The following RMDN2 variants were observed in gnomAD, a reference collection of about 807,000 sequenced individuals.
RMDN2 encodes the protein regulator of microtubule dynamics 2.
In RMDN2, 61 loss-of-function variants were observed where a neutral mutation model predicts 52.8. The observed-to-expected ratio is 1.16, with a 90% CI of 0.94 to 1.43. The LOEUF (loss-of-function observed/expected upper bound fraction) is 1.43. RMDN2 is among the 40% of genes most tolerant of loss of function. RMDN2 has a pLI of 0.00. For synonymous variants in RMDN2, 180 were observed against 153.1 expected (o/e 1.18, Z -1.30); for missense variants, 592 against 475.3 (o/e 1.25, Z -2.28).
intron 1 of RMDN2, among the ~76,000 whole-genome samples, 198 bp downstream of exon 1, chr2:37,925,623 G>C (rs374716812): frequency 2.0e-5 from 3 of 152,304 alleles, no homozygotes; most frequent in East Asian, 1.9e-4. Context: ...GTGGCTTCCC[G>C]GGTTCATCCC....
chr2:38,023,943 C>A (rs1040206100), intron 10 of RMDN2, among the ~76,000 whole-genome samples: 1 of 152,196 alleles, frequency 6.6e-6, no homozygotes, highest in Non-Finnish European at 1.5e-5. Flanking sequence ...CTCCCTCTTG[C>A]ATCTCTCTCT....
intron 10 of RMDN2, chr2:38,066,776 T>C: frequency 1.8e-6 from 1 of 558,426 alleles, no homozygotes; most frequent in Non-Finnish European, 3.2e-6. Context: ...AAAGGAATAT[T>C]TTTCCCATGA....
chr2:38,000,778 C>T (rs1359598771), intron 8 of RMDN2, among the ~76,000 whole-genome samples: 2 of 152,158 alleles, frequency 1.3e-5, no homozygotes, highest in Non-Finnish European at 2.9e-5. Flanking sequence ...TGGTTTGATG[C>T]TATTTTGCAT....
chr2:37,929,774 A>T, intron 2 of RMDN2, 45 bp downstream of exon 2: 1 of 1,247,214 alleles, frequency 8.0e-7, no homozygotes, highest in Non-Finnish European at 1.1e-6. Context: ...GGTTATTATC[A>T]TTATTACTAT....
chr2:38,045,434 T>C (rs879859183), intron 10 of RMDN2, among the ~76,000 whole-genome samples: 2 of 152,234 alleles, frequency 1.3e-5, no homozygotes, highest in Non-Finnish European at 2.9e-5. Context: ...TCTATGCATA[T>C]GTTTTTAATC....
At chr2:37,925,734 C>G (rs1233309480) in intron 1 of RMDN2, among the ~76,000 whole-genome samples, 1 of 152,228 alleles carries the variant, frequency 6.6e-6, no homozygotes, top group Non-Finnish European at 1.5e-5. Flanking sequence ...AGTTTGCTGC[C>G]TCGGCCCGGC....
intron 7 of RMDN2, among the ~76,000 whole-genome samples, chr2:37,993,419 G>C (rs1675086763): frequency 6.6e-6 from 1 of 151,840 alleles, no homozygotes; most frequent in South Asian, 2.1e-4. Context: ...ATGCAGACTA[G>C]AGAACTCAAA....
chr2:38,015,791 A>G (rs887112419), intron 10 of RMDN2, among the ~76,000 whole-genome samples: 5 of 152,210 alleles, frequency 3.3e-5, no homozygotes, highest in Non-Finnish European at 7.3e-5. Context: ...CAACATGTCA[A>G]TACTGAGATT....
intron 10 of RMDN2, among the ~76,000 whole-genome samples, chr2:38,044,734 T>G (rs927098767): frequency 5.3e-5 from 8 of 152,130 alleles, no homozygotes; most frequent in African/African-American, 1.7e-4. Flanking sequence ...TTCTGGCACT[T>G]CCTTTTGATT....
At chr2:37,978,143 AC>A (rs1164189659) in intron 4 of RMDN2, among the ~76,000 whole-genome samples, 4 of 152,072 alleles carry the variant, frequency 2.6e-5, no homozygotes, top group Non-Finnish European at 5.9e-5. Context: ...ACACGGTGAA[AC>A]CCCGTCTCCA....
intron 6 of RMDN2, among the ~76,000 whole-genome samples, chr2:37,990,141 TGAAAA>T (rs1558518524): frequency 3.8e-5 from 5 of 133,242 alleles, no homozygotes; most frequent in African/African-American, 5.7e-5. Context: ...AGACTCCGTC[TGAAAA>T]AAAAAAAAAA....
chr2:38,005,646 G>A (rs1237286586), intron 10 of RMDN2, among the ~76,000 whole-genome samples: 3 of 152,214 alleles, frequency 2.0e-5, no homozygotes, highest in African/African-American at 7.2e-5. Context: ...CTCCCATTCT[G>A]TAGGTTGCCG....
intron 4 of RMDN2, 24 bp downstream of exon 4, chr2:37,975,338 CT>C: frequency 3.0e-6 from 4 of 1,314,296 alleles, no homozygotes; most frequent in Non-Finnish European, 4.4e-6. Flanking sequence ...AAAGATTATT[CT>C]CAAGTAGCAA....
chr2:38,039,206 TG>T (rs1018156192), intron 10 of RMDN2: 4 of 152,110 alleles, frequency 2.6e-5, no homozygotes, highest in Non-Finnish European at 5.9e-5. Context: ...TTTAGTCACT[TG>T]GGATTGTCCT....
At chr2:37,974,724 G>A (rs1432194573) in intron 3 of RMDN2, 1 of 152,596 alleles carries the variant, frequency 6.6e-6, no homozygotes, top group Non-Finnish European at 1.5e-5. Context: ...TTTGTCTGAG[G>A]ATTTAGCAAC....
upstream of RMDN2, among the ~76,000 whole-genome samples, chr2:37,924,380 G>GT (rs1401668991): frequency 6.6e-6 from 1 of 152,158 alleles, no homozygotes; most frequent in Non-Finnish European, 1.5e-5. Flanking sequence ...GTACTGTTTT[G>GT]TTTTTGTTTT....
At chr2:38,036,103 C>T (rs1482553502) in intron 10 of RMDN2, 1 of 152,022 alleles carries the variant, frequency 6.6e-6, no homozygotes, top group Non-Finnish European at 1.5e-5. Context: ...TGTTGCCCAA[C>T]TTGAAGATAA....
At chr2:37,946,272 G>T (rs1265203346) in intron 2 of RMDN2, among the ~76,000 whole-genome samples, 2 of 152,120 alleles carry the variant, frequency 1.3e-5, no homozygotes, top group African/African-American at 4.8e-5. Flanking sequence ...GGGGTTGGAA[G>T]TTGAAAGAGT....
chr2:37,993,327 A>G (rs1675070534), intron 7 of RMDN2, among the ~76,000 whole-genome samples: 1 of 152,182 alleles, frequency 6.6e-6, no homozygotes, highest in South Asian at 2.1e-4. Flanking sequence ...AGGAAGTTGG[A>G]ACTCTTTCCA....
Sources: allele counts gnomAD v4.1 joint callset (sites outside exome capture counted in the v4.1 genomes callset), GRCh38; gene constraint gnomAD v4.1.1; transcripts MANE v1.5; gene names NCBI Gene and HGNC (gene_info 2026-07-23, HGNC 2026-07-21).